The following SAMMSON variants were observed in gnomAD, a reference collection of about 807,000 sequenced individuals.
SAMMSON encodes the protein long intergenic non-protein coding RNA 1212.
intron 9 of SAMMSON, among the ~76,000 whole-genome samples, chr3:70,362,912 G>C (rs1575633904): frequency 6.6e-6 from 1 of 151,342 alleles, no homozygotes; most frequent in East Asian, 1.9e-4. Context: ...AGTTTATCAG[G>C]CTCATGTCCA....
At chr3:70,277,758 T>A (rs1702041404) in intron 6 of SAMMSON, among the ~76,000 whole-genome samples, 1 of 152,058 alleles carries the variant, frequency 6.6e-6, no homozygotes, top group South Asian at 2.1e-4. Flanking sequence ...TGCTTGAGGA[T>A]GGGTGGGAAC....
intron 3 of SAMMSON, among the ~76,000 whole-genome samples, chr3:70,060,876 G>C (rs1576111697): frequency 6.6e-6 from 1 of 152,136 alleles, no homozygotes; most frequent in African/African-American, 2.4e-5. Flanking sequence ...AGGCCATACT[G>C]TAGAGGGTCA....
At chr3:70,050,928 G>T (rs977568204) in intron 3 of SAMMSON, among the ~76,000 whole-genome samples, 1 of 151,642 alleles carries the variant, frequency 6.6e-6, no homozygotes, top group Non-Finnish European at 1.5e-5. Flanking sequence ...TTGAGGTCAG[G>T]AGTTCAAGAC....
chr3:70,132,452 A>C (rs1046736015), intron 4 of SAMMSON, among the ~76,000 whole-genome samples: 1 of 152,180 alleles, frequency 6.6e-6, no homozygotes, highest in African/African-American at 2.4e-5. Flanking sequence ...CCCTTCACAA[A>C]TGTTCACAGC....
Position 70,256,786 on chromosome 3 carries a change from T to C in SAMMSON, n.674+7116T>C, listed in dbSNP as rs371500855. 1.9e-4 allele frequency among the ~76,000 whole-genome samples: 29 copies of C among 152,264 alleles called. No individual in the cohort carries two copies. In the South Asian group the frequency reaches 6.0e-3, roughly 32 times the overall value. ...TAATCATTTACTTCCAAGTTAAGAG[T>C]TCTCTAAACATATGTAATATACTAA... On this transcript the variant is annotated intron_variant and non_coding_transcript_variant, in intron 6 of 9. Coordinates refer to ENST00000642114, the Ensembl canonical transcript of SAMMSON.
rs11714321 is a variant in SAMMSON, at chr3:70,432,004, A to G, written n.234-30556A>G. Among the ~76,000 whole-genome samples, 372 of 150,358 alleles carry G rather than the reference A, an allele frequency of 2.5e-3. 1 individual carries two copies. Among genetic ancestry groups the G allele is most frequent in the Non-Finnish European group, 3.1e-3 (208 of 67,880 alleles). On this transcript the variant is annotated intron_variant and non_coding_transcript_variant, in intron 2 of 3. Coordinates refer to the SAMMSON transcript ENST00000641053. ...CATATTTTGTTTCTGCTTTTTAACT[A>G]TTAATAATAATGCTGCTATAAAGAT...
intron 4 of SAMMSON, chr3:70,249,079 C>A (rs993848891): frequency 6.6e-6 from 1 of 152,138 alleles, no homozygotes; most frequent in African/African-American, 2.4e-5. Flanking sequence ...GTCCTTCTAA[C>A]CACAAAGTCC....
intron 7 of SAMMSON, among the ~76,000 whole-genome samples, chr3:70,300,126 C>G (rs1702333372): frequency 6.6e-6 from 1 of 152,096 alleles, no homozygotes; most frequent in Non-Finnish European, 1.5e-5. Flanking sequence ...CTCTGAATCG[C>G]ATATCTTCTT....
intron 4 of SAMMSON, among the ~76,000 whole-genome samples, chr3:70,077,853 G>C (rs1327374143): frequency 6.6e-6 from 1 of 152,118 alleles, no homozygotes; most frequent in Non-Finnish European, 1.5e-5. Flanking sequence ...AGAGACAAAT[G>C]ACCCACGGAA....
chr3:70,411,103 A>G (rs1479778770), intron 2 of SAMMSON, among the ~76,000 whole-genome samples: 1 of 152,212 alleles, frequency 6.6e-6, no homozygotes, highest in Non-Finnish European at 1.5e-5. Context: ...ACCATCATTG[A>G]TCTACGTAAA....
At chr3:70,384,187 C>G (rs1312809909) in intron 9 of SAMMSON, among the ~76,000 whole-genome samples, 1 of 152,006 alleles carries the variant, frequency 6.6e-6, no homozygotes, top group African/African-American at 2.4e-5. Context: ...CTGATTTAAT[C>G]AATCCTTTTC....
At chr3:70,230,846 G>T (rs1701552639) in intron 4 of SAMMSON, among the ~76,000 whole-genome samples, 2 of 152,142 alleles carry the variant, frequency 1.3e-5, no homozygotes, top group African/African-American at 4.8e-5. Context: ...CACACCTGCT[G>T]TGTTACTATC....
intron 4 of SAMMSON, among the ~76,000 whole-genome samples, chr3:70,221,017 C>G (rs1369031443): frequency 6.6e-6 from 1 of 152,112 alleles, no homozygotes; most frequent in African/African-American, 2.4e-5. Context: ...GGCTGCTAGT[C>G]TATTTGCTTT....
intron 9 of SAMMSON, among the ~76,000 whole-genome samples, chr3:70,387,391 C>T (rs1703130855): frequency 6.6e-6 from 1 of 151,972 alleles, no homozygotes; most frequent in South Asian, 2.1e-4. Context: ...TGTAGAATGC[C>T]TGCAATGATG....
At chr3:70,121,733 T>C (rs1270639418) in intron 4 of SAMMSON, among the ~76,000 whole-genome samples, 1 of 152,170 alleles carries the variant, frequency 6.6e-6, no homozygotes, top group Non-Finnish European at 1.5e-5. Context: ...GTGTTTCTGG[T>C]GCTGGTGCTG....
intron 4 of SAMMSON, among the ~76,000 whole-genome samples, chr3:70,168,670 C>T (rs1448720807): frequency 6.6e-6 from 1 of 151,954 alleles, no homozygotes; most frequent in South Asian, 2.1e-4. Flanking sequence ...CATATCAATA[C>T]TTATTTATGG....
intron 4 of SAMMSON, among the ~76,000 whole-genome samples, chr3:70,078,538 T>G (rs1030073595): frequency 6.6e-6 from 1 of 152,146 alleles, no homozygotes; most frequent in South Asian, 2.1e-4. Context: ...ATGTGGAGAC[T>G]CCCCTGGCCC....
At chr3:70,062,545 G>T (rs901274894) in intron 3 of SAMMSON, among the ~76,000 whole-genome samples, 1 of 152,082 alleles carries the variant, frequency 6.6e-6, no homozygotes, top group Admixed American at 6.6e-5. Flanking sequence ...GTACATATTT[G>T]TCAGACACAA....
intron 3 of SAMMSON, among the ~76,000 whole-genome samples, chr3:70,050,513 A>G (rs1278585601): frequency 6.6e-6 from 1 of 152,156 alleles, no homozygotes; most frequent in East Asian, 1.9e-4. Flanking sequence ...AGAGACCTGT[A>G]TGTGGTGCTT....
Sources: gnomAD v4.1 joint callset for allele counts (sites outside exome capture counted in the v4.1 genomes callset) on GRCh38, gnomAD v4.1.1 for gene constraint, MANE v1.5 for transcripts, NCBI Gene and HGNC (gene_info 2026-07-23, HGNC 2026-07-21) for gene names.